Variants in KIAA1958 observed in about 807,000 individuals in gnomAD.
KIAA1958 encodes uncharacterized protein KIAA1958.
A neutral mutation model predicts 47.2 loss-of-function variants in KIAA1958; 14 were observed. The observed-to-expected ratio is 0.30, with a 90% CI of 0.20 to 0.46. The LOEUF (loss-of-function observed/expected upper bound fraction) is 0.46. Ranked by LOEUF, KIAA1958 falls within the 20% of genes least tolerant of loss-of-function variation. The pLI is 1.00. For synonymous variants in KIAA1958, 354 were observed against 353.3 expected, an observed-to-expected ratio of 1.00 and a Z score of -0.02; for missense variants, 803 against 909.2, an observed-to-expected ratio of 0.88 and a Z score of 1.50.
At chr9:112,511,242 C>T (rs370230270) in intron 1 of KIAA1958, among the ~76,000 whole-genome samples, 5 of 152,182 alleles carry the variant, frequency 3.3e-5, no homozygotes, top group African/African-American at 9.7e-5. Context: ...TAGAAATGCA[C>T]ATTCTTGGGA....
chr9:112,578,712 C>T (rs550058691), intron 2 of KIAA1958, among the ~76,000 whole-genome samples: 36 of 152,010 alleles, frequency 2.4e-4, no homozygotes, highest in South Asian at 6.2e-4. Context: ...ACTGCTCAAT[C>T]CAAATCTTAG....
At chr9:112,565,653 A>G (rs958505215) in intron 1 of KIAA1958, among the ~76,000 whole-genome samples, 2 of 152,326 alleles carry the variant, frequency 1.3e-5, no homozygotes, top group Admixed American at 1.3e-4. Context: ...ATTTGTATGA[A>G]ACTTACAATA....
intron 2 of KIAA1958, among the ~76,000 whole-genome samples, chr9:112,604,288 G>C (rs189935720): frequency 1.3e-5 from 2 of 152,216 alleles, no homozygotes; most frequent in East Asian, 3.9e-4. Flanking sequence ...CTTAACTCAG[G>C]CTATCCTGAG....
intron 1 of KIAA1958, among the ~76,000 whole-genome samples, chr9:112,548,637 A>G (rs959513770): frequency 1.3e-5 from 2 of 152,214 alleles, no homozygotes; most frequent in African/African-American, 4.8e-5. Flanking sequence ...AGGACAAGCA[A>G]TGTATCTTTA....
chr9:112,500,472 T>A lies in KIAA1958; in HGVS notation c.-25+13354T>A, dbSNP rs559410860. Among the ~76,000 whole-genome samples the A allele has an allele frequency of 9.5e-3, 1,433 of 151,604 alleles. 15 individuals are homozygous for A. Among genetic ancestry groups the A allele is most frequent in the African/African-American group, 0.033 (1,356 of 41,256 alleles). On this transcript the variant is annotated intron_variant, in intron 1 of 3. Coordinates refer to ENST00000337530, the MANE Select transcript of KIAA1958 (RefSeq NM_133465.4). ...TATCATTAATTTTTTTTTTTTTTTT[T>A]AGAGATAAGGTGTCACTATGTTGCC...
chr9:112,553,461 G>A (rs146531567), intron 1 of KIAA1958, among the ~76,000 whole-genome samples: 3 of 152,028 alleles, frequency 2.0e-5, no homozygotes, highest in Non-Finnish European at 4.4e-5. Flanking sequence ...GTGAGCCACC[G>A]CACCTGGCCC....
chr9:112,617,508 A>T (rs1836427048), intron 2 of KIAA1958, among the ~76,000 whole-genome samples: 1 of 152,200 alleles, frequency 6.6e-6, no homozygotes, highest in Admixed American at 6.5e-5. Context: ...GTCAGCGCTA[A>T]TGGGGCTCTT....
At chr9:112,569,817 T>G (rs1407895347) in intron 1 of KIAA1958, among the ~76,000 whole-genome samples, 1 of 152,022 alleles carries the variant, frequency 6.6e-6, no homozygotes, top group African/African-American at 2.4e-5. Flanking sequence ...AGAAACAGGA[T>G]TTCACCACAT....
chr9:112,593,290 C>T (rs972925152), intron 2 of KIAA1958, among the ~76,000 whole-genome samples: 1 of 152,210 alleles, frequency 6.6e-6, no homozygotes, highest in Non-Finnish European at 1.5e-5. Flanking sequence ...GAATATACAT[C>T]AGTAACCCCC....
chr9:112,512,207 A>C (rs945791055), intron 1 of KIAA1958, among the ~76,000 whole-genome samples: 3 of 152,236 alleles, frequency 2.0e-5, no homozygotes, highest in African/African-American at 7.2e-5. Context: ...AGCATATTAC[A>C]AGTAAAAGTA....
chr9:112,539,857 AT>A (rs35881024), intron 1 of KIAA1958, among the ~76,000 whole-genome samples: 144,899 of 151,800 alleles, frequency 0.95, 69,229 homozygotes, highest in African/African-American at 0.99. Flanking sequence ...TGCCTGGCTA[AT>A]TTTTTCTATT....
At chr9:112,532,778 C>T (rs775907034) in intron 1 of KIAA1958, among the ~76,000 whole-genome samples, 1 of 152,150 alleles carries the variant, frequency 6.6e-6, no homozygotes, top group Non-Finnish European at 1.5e-5. Flanking sequence ...ATGAATTCTT[C>T]ATAATGGGAT....
intron 3 of KIAA1958, among the ~76,000 whole-genome samples, chr9:112,654,815 T>C (rs1441194788): frequency 6.6e-6 from 1 of 152,192 alleles, no homozygotes; most frequent in Non-Finnish European, 1.5e-5. Context: ...TGCATACAAC[T>C]AACCTACGCT....
At chr9:112,524,549 A>C (rs1473460748) in intron 1 of KIAA1958, among the ~76,000 whole-genome samples, 1 of 152,194 alleles carries the variant, frequency 6.6e-6, no homozygotes, top group Non-Finnish European at 1.5e-5. Context: ...TTGTTGTGCT[A>C]CCATAGGCTG....
rs769629168 is a variant in KIAA1958 at position 112,574,972 on chromosome 9, G to A, written c.892G>A (p.Gly298Ser). The A allele has an allele frequency of 6.2e-7, 1 of 1,614,144 alleles. No homozygotes were observed. The highest frequency in any genetic ancestry group is 1.1e-5 in the South Asian group (1 of 91,082). ...SLASPNRGPP[G>S]THGTNQQVAM... is the part of the protein sequence containing the mutation. ...GGCTTCACCAAACAGAGGACCCCCT[G>A]GTACACATGGCACCAACCAACAGGT... is the stretch of plus-strand genomic sequence containing the variant. Residue 298 changes from glycine to serine, a missense_variant, in exon 2 of 4, where the codon GGT becomes AGT. Transcript: ENST00000337530.
At chr9:112,493,005 G>A (rs909644171) in intron 1 of KIAA1958, among the ~76,000 whole-genome samples, 9 of 151,372 alleles carry the variant, frequency 5.9e-5, no homozygotes, top group Admixed American at 3.9e-4. Context: ...TCCTATCTGG[G>A]CCTCCCAAAG....
At chr9:112,622,202 A>G (rs1310573131) in intron 2 of KIAA1958, among the ~76,000 whole-genome samples, 1 of 152,242 alleles carries the variant, frequency 6.6e-6, no homozygotes, top group Non-Finnish European at 1.5e-5. Flanking sequence ...ACTTTAGCAA[A>G]AAATCAACAG....
intron 2 of KIAA1958, among the ~76,000 whole-genome samples, chr9:112,591,903 C>A (rs1454752084): frequency 1.3e-5 from 2 of 152,100 alleles, no homozygotes; most frequent in Non-Finnish European, 2.9e-5. Context: ...TAGAAGGGTG[C>A]CCCCTTACAG....
At position 112,637,725 on chromosome 9, in the gene KIAA1958, T is replaced by C. The variant is rs141664398; in HGVS notation, c.1172-7925T>C. ...TTGCTTAGTATAAATTTTAGACTTG[T>C]AGCAATTTTCTTTTAGCATACTAAA... On this transcript the variant is annotated intron_variant, in intron 2 of 3. Coordinates refer to ENST00000337530, the MANE Select transcript of KIAA1958 (RefSeq NM_133465.4). Among the ~76,000 whole-genome samples the C allele has an allele frequency of 2.8e-3, 425 of 152,354 alleles. 2 individuals are homozygous for C. The highest frequency in any genetic ancestry group is 9.4e-3 in the African/African-American group (390 of 41,582).
Sources: allele counts gnomAD v4.1 joint callset (sites outside exome capture counted in the v4.1 genomes callset), GRCh38; gene constraint gnomAD v4.1.1; transcripts MANE v1.5; gene names NCBI Gene and HGNC (gene_info 2026-07-23, HGNC 2026-07-21).